Variants in TTN observed in about 807,000 individuals in gnomAD.
The protein encoded by TTN is connectin.
TTN carries 1,525 observed loss-of-function variants against 3,223.0 expected under a neutral mutation model. That is an observed-to-expected ratio of 0.47 (90% CI 0.45 to 0.49). The LOEUF is 0.49. Ranked by LOEUF, TTN falls within the 20% of genes least tolerant of loss-of-function variation. The probability of loss-of-function intolerance (pLI) is 0.00; values close to 1 mark genes in which losing one functional copy is unlikely to be tolerated. For synonymous variants in TTN, 14,094 were observed against 15,161.0 expected (o/e 0.93, Z 5.17); for missense variants, 40,786 against 43,424.0 (o/e 0.94, Z 5.40).
chr2:178,564,753 T>A lies in TTN; in HGVS notation c.81379A>T (p.Ile27127Phe). 6.2e-7 allele frequency: 1 copy of A among 1,612,738 alleles called. No individual in the cohort carries two copies. The highest frequency in any genetic ancestry group is 2.2e-5 in the East Asian group (1 of 44,680). Residue 27127 changes from isoleucine to phenylalanine, a missense_variant, in exon 326 of 363, where the codon ATT becomes TTT. Coordinates refer to ENST00000589042, the MANE Select transcript of TTN (RefSeq NM_001267550.2). ...GTTGTTTTGAATTTGGTGTCCTGAA[T>A]GGGGGTCTTATTTAACTTGACCCAT... ...ILWVKLNKTP[I>F]QDTKFKTTGL...
At chr2:178,666,984 A>G in intron 162 of TTN, 83 bp from the exon 163 acceptor site, 2 of 1,015,062 alleles carry the variant, frequency 2.0e-6, no homozygotes, top group South Asian at 3.4e-5. Context: ...AGATATGTTA[A>G]TATCATTTCA....
chr2:178,669,113 G>A (rs1033122332), intron 159 of TTN, among the ~76,000 whole-genome samples: 1 of 152,096 alleles, frequency 6.6e-6, no homozygotes, highest in Admixed American at 6.6e-5. Flanking sequence ...ATACAGAATA[G>A]GTTAGGAAAA....
intron 48 of TTN, 49 bp downstream of exon 48, chr2:178,739,092 C>T (rs1286829539): frequency 1.4e-6 from 2 of 1,474,500 alleles, no homozygotes; most frequent in Non-Finnish European, 1.8e-6. Flanking sequence ...TAAATCATTA[C>T]AATCCAGTGA....
At position 178,593,249 on chromosome 2, in the gene TTN, C is replaced by T; in HGVS notation, c.58959G>A (p.Arg19653=). 1.9e-6 allele frequency: 3 copies of T among 1,613,342 alleles called. No individual in the cohort carries two copies. The highest frequency in any genetic ancestry group is 2.5e-6 in the Non-Finnish European group (3 of 1,179,588). The stretch of plus-strand genomic sequence containing the variant: ...TACCAATTTCATTTTCTGCAGAAAC[C>T]CGGAATTCATACTGACATCCTTCTA... ...DLLEGCQYEF[R]VSAENEIGIG... Residue 19653 remains arginine, a synonymous_variant, in exon 299 of 363, where the codon CGG becomes CGA. Transcript: ENST00000589042.
Position 178,712,807 on chromosome 2 carries a change from A to T in TTN, c.27218T>A (p.Val9073Asp). Residue 9073 changes from valine to aspartate, a missense_variant, in exon 94 of 363, where the codon GTT becomes GAT. Transcript: ENST00000589042. ...TACATCGAACAACTCCAGTTCAGCAACTGAATCCTCCAAAGACACGTTGCA... is the reference window on the plus strand; with the variant it reads ...TACATCGAACAACTCCAGTTCAGCATCTGAATCCTCCAAAGACACGTTGCA... ...DRCNVSLEDS[V>D]AELELFDVDT... 6.2e-7 allele frequency: 1 copy of T among 1,613,812 alleles called. No individual in the cohort carries two copies. The highest frequency in any genetic ancestry group is 8.5e-7 in the Non-Finnish European group (1 of 1,179,790).
rs765538868 is a variant in TTN, at chr2:178,722,772, T to C, written c.22127A>G (p.Asn7376Ser). ...TPEYRTYFTNNVATLVFNKVN... is the reference protein window; with the variant it reads ...TPEYRTYFTNSVATLVFNKVN... ...TTTATTAAAAACAAGTGTGGCCACA[T>C]TGTTTGTAAAGTAGGTCCTGTATTC... Residue 7376 changes from asparagine to serine, a missense_variant, in exon 76 of 363, where the codon AAT (asparagine) becomes AGT (serine). Asn to Ser is a conservative substitution (Grantham distance 46). Transcript: ENST00000589042. 2 of 1,613,162 alleles carry C rather than the reference T, an allele frequency of 1.2e-6. No homozygotes were observed. The highest frequency in any genetic ancestry group is 1.3e-5 in the African/African-American group (1 of 74,894).
rs1225133278 is a variant in TTN, at chr2:178,545,875, T to A, written c.95361A>T (p.Lys31787Asn). Reference sequence around the variant, plus strand: ...ATTCAACAGGCACACCAGGGCCATATTTGTTTACTGCCCTCACTCGGAATA... The same window carrying A: ...ATTCAACAGGCACACCAGGGCCATAATTGTTTACTGCCCTCACTCGGAATA... ...EYIFRVRAVN[K>N]YGPGVPVESE... Residue 31787 changes from lysine (K) to asparagine (N), a missense_variant, in exon 343 of 363, where the codon AAA (lysine) becomes AAT (asparagine). Coordinates refer to ENST00000589042, the MANE Select transcript of TTN (RefSeq NM_001267550.2). The A allele has an allele frequency of 1.9e-6, 3 of 1,613,900 alleles. No homozygotes were observed. Among genetic ancestry groups the A allele is most frequent in the Admixed American group, 1.7e-5 (1 of 60,018 alleles).
chr2:178,697,740 T>C lies in TTN; in HGVS notation c.30755-572A>G, dbSNP rs557561842. Among the ~76,000 whole-genome samples, 179 of 152,340 alleles carry C rather than the reference T, an allele frequency of 1.2e-3. No homozygotes were observed. The South Asian group carries it at 0.015, about 13-fold the overall frequency. On this transcript the variant is annotated intron_variant, in intron 112 of 362. Coordinates refer to ENST00000589042, the MANE Select transcript of TTN (RefSeq NM_001267550.2). ...AAATTTAGTTATCCAACTGTTTTCC[T>C]AAAAATCTTCGAGGATATATTGAAA... is the stretch of plus-strand genomic sequence containing the variant.
At chr2:178,798,327 C>T (rs2093880313) in intron 6 of TTN, among the ~76,000 whole-genome samples, 1 of 152,052 alleles carries the variant, frequency 6.6e-6, no homozygotes, top group Non-Finnish European at 1.5e-5. Context: ...TTAAAAGTTT[C>T]ATCATGATAA....
In TTN at chr2:178,535,239, A is replaced by G. The variant is rs367732133; in HGVS notation, c.101376T>C (p.Tyr33792=). The G allele has an allele frequency of 3.5e-4, 563 of 1,613,838 alleles. 2 individuals carry two copies. The highest frequency in any genetic ancestry group is 1.4e-3 in the South Asian group (132 of 91,088). ...TKEDKTRAMN[Y]DEEVDETREV... ...CCCTGGTTTCATCTACCTCTTCATC[A>G]TAGTTCATAGCTCTGGTCTTATCTT... Residue 33792 remains tyrosine, a synonymous_variant, in exon 358 of 363, where the codon TAT becomes TAC. Transcript: ENST00000589042.
chr2:178,566,091 G>A lies in TTN; in HGVS notation c.80041C>T (p.Leu26681Phe), dbSNP rs555058372. 167 of 1,613,618 alleles carry A rather than the reference G, an allele frequency of 1.0e-4. 2 individuals are homozygous for A. Among genetic ancestry groups the A allele is most frequent in the South Asian group, 6.1e-4 (56 of 91,078 alleles). Residue 26681 changes from leucine (L) to phenylalanine (F), a missense_variant, in exon 326 of 363, where the codon CTT (leucine) becomes TTT (phenylalanine). Transcript: ENST00000589042. ...TTCTGTGGTGGTCCTGGAGTGTCAA[G>A]AACTTTCACAGTTACAAAAGCAGAC... ...SKSAFVTVKVLDTPGPPQNLA... is the reference protein window; with the variant it reads ...SKSAFVTVKVFDTPGPPQNLA...
In TTN at chr2:178,636,738, A is replaced by G. The variant is rs369178648; in HGVS notation, c.40989T>C (p.Ser13663=). 44 of 1,612,178 alleles carry G rather than the reference A, an allele frequency of 2.7e-5. No homozygotes were observed. The highest frequency in any genetic ancestry group is 3.3e-5 in the Non-Finnish European group (39 of 1,178,730). Residue 13663 remains serine (S), a synonymous_variant, in exon 225 of 363, where the codon AGT becomes AGC. Transcript: ENST00000589042. The surrounding 1 kb of genome is among the most constrained non-coding windows in gnomAD (Gnocchi z 4.3). ...CTTCATCAGGAGGTTTCTCTCCACC[A>G]CTTCCTGGCCTTAACTTTCTCCTTT... ...EAERRKLRPG[S]GGEKPPDEAP...
intron 20 of TTN, among the ~76,000 whole-genome samples, chr2:178,781,762 TTTATA>T (rs1280493183): frequency 6.6e-6 from 1 of 152,200 alleles, no homozygotes; most frequent in Non-Finnish European, 1.5e-5. Context: ...AGAGCTAAAT[TTTATA>T]TTGAATTGAA....
intron 162 of TTN, 133 bp downstream of exon 162, chr2:178,667,103 T>C: frequency 1.1e-6 from 1 of 945,034 alleles, no homozygotes; most frequent in Middle Eastern, 3.3e-4. Context: ...TTCTTTGTTG[T>C]GGGTATATCA....
At position 178,576,069 on chromosome 2, in the gene TTN, C is replaced by A. The variant is rs1249051519; in HGVS notation, c.70063G>T (p.Val23355Phe). 6 of 1,613,526 alleles carry A rather than the reference C, an allele frequency of 3.7e-6. No homozygotes were observed. Among genetic ancestry groups the A allele is most frequent in the Non-Finnish European group, 5.1e-6 (6 of 1,179,616 alleles). ...ELDAELRRTL[V>F]VRAGLSIRIF... Reference sequence around the variant, plus strand: ...CTAATACTGAGTCCTGCTCTAACAACAAGTGTTCTTCGAAGCTCGGCATCT... The same window carrying A: ...CTAATACTGAGTCCTGCTCTAACAAAAAGTGTTCTTCGAAGCTCGGCATCT... The change falls in exon 326 of 363, where the codon GTT becomes TTT. Residue 23355 changes from valine (V) to phenylalanine (F), a missense_variant. By Grantham distance (50) the Val-to-Phe change is conservative. Transcript: ENST00000589042. The surrounding 1 kb of genome is among the most constrained non-coding windows in gnomAD (Gnocchi z 4.3).
intron 126 of TTN, 94 bp from the exon 127 acceptor site, chr2:178,688,318 A>G: frequency 7.0e-6 from 8 of 1,148,782 alleles, no homozygotes; most frequent in South Asian, 5.0e-5. Flanking sequence ...CTGTTCTTCT[A>G]TCTGCTTAGG....
rs771093991 is a variant in TTN, at chr2:178,580,157, G to A, written c.67130C>T (p.Pro22377Leu). 8.1e-6 allele frequency: 13 copies of A among 1,613,262 alleles called. 1 individual carries two copies. The South Asian group carries it at 1.4e-4, about 18-fold the overall frequency. ...GGGGCTTCCGCCATCAATAATGGGA[G>A]GCTCCCAGGTAACATAAGCAGAGTC... ...SKDSAYVTWEPPIIDGGSPII... is the reference protein window; with the variant it reads ...SKDSAYVTWELPIIDGGSPII... The change falls in exon 318 of 363, where the codon CCT becomes CTT. Residue 22377 changes from proline to leucine, a missense_variant. Pro to Leu is a moderately conservative substitution (Grantham distance 98). Transcript: ENST00000589042.
intron 6 of TTN, 59 bp from the exon 7 acceptor site, chr2:178,795,311 A>C (rs1338448151): frequency 6.5e-7 from 1 of 1,531,962 alleles, no homozygotes; most frequent in African/African-American, 1.4e-5. Flanking sequence ...ACTGGATGTG[A>C]ATCATGAGAT....
At chr2:178,616,212 T>C (rs1026750824) in intron 257 of TTN, among the ~76,000 whole-genome samples, 6 of 151,908 alleles carry the variant, frequency 3.9e-5, no homozygotes, top group African/African-American at 1.4e-4. Flanking sequence ...TATTGGGTAC[T>C]TAGCAGGTAC....
Sources: gnomAD v4.1 joint callset for allele counts (sites outside exome capture counted in the v4.1 genomes callset) on GRCh38, gnomAD v4.1.1 for gene constraint, Gnocchi (gnomAD v3.1) non-coding constraint, MANE v1.5 for transcripts, NCBI Gene and HGNC (gene_info 2026-07-23, HGNC 2026-07-21) for gene names.